Variants in COL4A4 observed in about 807,000 individuals in gnomAD.
COL4A4 encodes collagen type IV alpha 4 chain.
A neutral mutation model predicts 192.9 loss-of-function variants in COL4A4; 105 were observed. The observed-to-expected ratio is 0.54, with a 90% CI of 0.46 to 0.64. The LOEUF (loss-of-function observed/expected upper bound fraction) is 0.64, where lower values mean the gene tolerates loss of function less well. COL4A4 is among the 30% of genes least tolerant of loss of function. The pLI is 0.00. For synonymous variants in COL4A4, 762 were observed against 769.9 expected (o/e 0.99, Z 0.17); for missense variants, 1,967 against 2,169.3 (o/e 0.91, Z 1.85).
chr2:227,031,015 A>C (rs1381209164), intron 40 of COL4A4, among the ~76,000 whole-genome samples: 1 of 120,260 alleles, frequency 8.3e-6, no homozygotes, highest in Non-Finnish European at 1.8e-5. Context: ...GGATGGATGG[A>C]TATGTGGATA....
chr2:227,101,868 T>G lies in COL4A4; in HGVS notation c.972A>C (p.Leu324Phe), dbSNP rs543879807. 4 of 1,588,736 alleles carry G rather than the reference T, an allele frequency of 2.5e-6. No homozygotes were observed. In the South Asian group the frequency reaches 3.4e-5, roughly 13 times the overall value. ...CTCTATAATGAGGTACATTTACCTT[T>G]AATCCTGGAAAACCTGGAGATCCAT... ...GSYGSPGFPGLKGELGLVGDP... is the reference protein window; with the variant it reads ...GSYGSPGFPGFKGELGLVGDP... The change falls in exon 16 of 48, where the codon TTA becomes TTC. Residue 324 changes from leucine to phenylalanine, a missense_variant. Leu to Phe is a conservative substitution (Grantham distance 22). Coordinates refer to ENST00000396625, the MANE Select transcript of COL4A4 (RefSeq NM_000092.5).
intron 42 of COL4A4, among the ~76,000 whole-genome samples, chr2:227,026,755 T>C (rs1045835073): frequency 3.3e-5 from 5 of 152,190 alleles, no homozygotes; most frequent in African/African-American, 1.2e-4. Context: ...GACCCTATGG[T>C]TAAAAAGTGT....
chr2:227,005,614 C>T lies in COL4A4; in HGVS notation c.*1711G>A, dbSNP rs1405614970. 6.6e-6 allele frequency: 1 copy of T among 152,188 alleles called. No homozygotes were observed. Among genetic ancestry groups the T allele is most frequent in the African/African-American group, 2.4e-5 (1 of 41,444 alleles). The allele number at this position is 152,188 out of a possible 1,614,324, so 9.4% of individuals were successfully genotyped here. Reference sequence around the variant, plus strand: ...AGAAAATACTCTTAAAATAAATTGCCACCCTGGGGGCAGCCCATAGCAAAA... The same window carrying T: ...AGAAAATACTCTTAAAATAAATTGCTACCCTGGGGGCAGCCCATAGCAAAA... On this transcript the variant is annotated 3_prime_UTR_variant, in exon 48 of 48. Coordinates refer to ENST00000396625, the MANE Select transcript of COL4A4 (RefSeq NM_000092.5).
the COL4A4 span, among the ~76,000 whole-genome samples, chr2:226,977,736 C>T: frequency 6.6e-6 from 1 of 152,214 alleles, no homozygotes; most frequent in Non-Finnish European, 1.5e-5. Context: ...CAAGAGTCTT[C>T]ATTGCTAATT....
At chr2:226,991,464 G>A in the COL4A4 span, among the ~76,000 whole-genome samples, 1 of 152,216 alleles carries the variant, frequency 6.6e-6, no homozygotes, top group African/African-American at 2.4e-5. Context: ...ACAGGCATGA[G>A]CCACCATGCC....
Position 227,007,173 on chromosome 2 carries a change from A to C in COL4A4, c.*152T>G, listed in dbSNP as rs1962318318. ...GCAGCATTTGCTTAATGTGTAAGGA[A>C]CCAGAGGACTCTGGGAATAACCACG... On this transcript the variant is annotated 3_prime_UTR_variant, in exon 48 of 48. Coordinates refer to ENST00000396625, the MANE Select transcript of COL4A4 (RefSeq NM_000092.5). The C allele has an allele frequency of 9.3e-7, 1 of 1,076,248 alleles. No homozygotes were observed. 66.7% of individuals were successfully genotyped at this position (1,076,248 alleles called of 1,614,324 possible).
the COL4A4 span, among the ~76,000 whole-genome samples, chr2:226,993,618 G>T: frequency 3.3e-5 from 5 of 152,234 alleles, no homozygotes; most frequent in East Asian, 9.7e-4. Flanking sequence ...TTATTTTGGG[G>T]TGTTCTAGTC....
the COL4A4 span, among the ~76,000 whole-genome samples, chr2:226,983,552 A>C: frequency 6.6e-6 from 1 of 152,046 alleles, no homozygotes; most frequent in South Asian, 2.1e-4. Flanking sequence ...CCACTCGGGG[A>C]TGGTTGTTCT....
chr2:227,133,294 G>T (rs1340723004), intron 4 of COL4A4, among the ~76,000 whole-genome samples: 1 of 152,214 alleles, frequency 6.6e-6, no homozygotes, highest in Non-Finnish European at 1.5e-5. Context: ...ATTCCCAGGG[G>T]AGAGTCTTGT....
At chr2:227,073,799 G>T (rs900868331) in intron 25 of COL4A4, among the ~76,000 whole-genome samples, 1 of 151,894 alleles carries the variant, frequency 6.6e-6, no homozygotes, top group Non-Finnish European at 1.5e-5. Flanking sequence ...ATTGGGGGGT[G>T]GACACCCTAT....
intron 3 of COL4A4, among the ~76,000 whole-genome samples, chr2:227,140,892 CA>C (rs2063158151): frequency 6.6e-6 from 1 of 150,712 alleles, no homozygotes; most frequent in African/African-American, 2.5e-5. Context: ...CACACACACA[CA>C]CACACACACA....
chr2:227,000,512 A>G (rs1267550968), downstream of COL4A4, among the ~76,000 whole-genome samples: 1 of 152,218 alleles, frequency 6.6e-6, no homozygotes, highest in East Asian at 1.9e-4. Context: ...ATAACCACTA[A>G]GTATATAATC....
chr2:227,056,319 A>G (rs1028970285), intron 29 of COL4A4, among the ~76,000 whole-genome samples: 3 of 152,248 alleles, frequency 2.0e-5, no homozygotes, highest in African/African-American at 7.2e-5. Flanking sequence ...ATTTGAGTAA[A>G]TGTTTCCCAG....
intron 22 of COL4A4, among the ~76,000 whole-genome samples, chr2:227,083,256 T>C (rs912065283): frequency 2.0e-5 from 3 of 151,996 alleles, no homozygotes; most frequent in Admixed American, 6.6e-5. Context: ...GAACCTATTG[T>C]CAGTATATTA....
chr2:227,097,343 T>C (rs989433226), intron 19 of COL4A4, among the ~76,000 whole-genome samples: 1 of 152,214 alleles, frequency 6.6e-6, no homozygotes, highest in Non-Finnish European at 1.5e-5. Context: ...CGAAAATGTA[T>C]ACTTCTGTGT....
chr2:227,008,505 C>T (rs535672900), intron 46 of COL4A4, among the ~76,000 whole-genome samples: 4 of 152,158 alleles, frequency 2.6e-5, no homozygotes, highest in South Asian at 2.1e-4. Context: ...ATCCCTCACT[C>T]GAGCCAAGCA....
intron 1 of COL4A4, among the ~76,000 whole-genome samples, chr2:227,163,326 C>G (rs534336975): frequency 6.4e-4 from 97 of 152,350 alleles, no homozygotes; most frequent in African/African-American, 2.1e-3. Context: ...ATACCATTTG[C>G]AGACATCACT....
chr2:227,008,421 C>T, intron 46 of COL4A4, 117 bp from the exon 47 acceptor site: 1 of 1,163,194 alleles, frequency 8.6e-7, no homozygotes, highest in East Asian at 2.5e-5. Flanking sequence ...GAGGCCCTCG[C>T]CAAAGCCTGC....
intron 14 of COL4A4, 105 bp from the exon 15 acceptor site, chr2:227,102,953 A>G: frequency 8.2e-7 from 1 of 1,225,772 alleles, no homozygotes; most frequent in South Asian, 1.2e-5. Context: ...AGAAACAAAA[A>G]TTATTGTCAG....
Sources: gnomAD v4.1 joint callset for allele counts (sites outside exome capture counted in the v4.1 genomes callset) on GRCh38, gnomAD v4.1.1 for gene constraint, MANE v1.5 for transcripts, NCBI Gene and HGNC (gene_info 2026-07-23, HGNC 2026-07-21) for gene names.